AUTS2: variants seen among roughly 807,000 people sequenced by gnomAD.
The protein encoded by AUTS2 is activator of transcription and developmental regulator AUTS2.
In AUTS2, 17 loss-of-function variants were observed where a neutral mutation model predicts 112.4. The observed-to-expected ratio is 0.15, with a 90% CI of 0.10 to 0.23. AUTS2 has a LOEUF of 0.23. AUTS2 is among the 10% of genes least tolerant of loss of function. The pLI, the probability that AUTS2 is intolerant of heterozygous loss-of-function variation, is 1.00. For missense variants in AUTS2, 1,510 were observed against 1,701.6 expected (o/e 0.89, Z 1.98); for synonymous variants, 751 against 702.7 (o/e 1.07, Z -1.09).
intron 2 of AUTS2, among the ~76,000 whole-genome samples, chr7:69,933,193 A>G (rs992674002): frequency 2.6e-5 from 4 of 152,236 alleles, no homozygotes; most frequent in East Asian, 1.9e-4. Flanking sequence ...GTACTGTTAC[A>G]TAAGTAATGG....
chr7:69,914,918 A>G (rs553042353), intron 2 of AUTS2, among the ~76,000 whole-genome samples: 3 of 152,304 alleles, frequency 2.0e-5, no homozygotes, highest in Admixed American at 1.3e-4. Flanking sequence ...AAGTGGCCCA[A>G]TTAATTCATT....
intron 2 of AUTS2, among the ~76,000 whole-genome samples, chr7:69,953,965 A>G (rs1332524435): frequency 6.6e-6 from 1 of 152,038 alleles, no homozygotes. Flanking sequence ...CTATTCCCTT[A>G]TGATTTCCTC....
intron 5 of AUTS2, among the ~76,000 whole-genome samples, chr7:70,547,152 A>G (rs1800822275): frequency 6.6e-6 from 1 of 152,208 alleles, no homozygotes; most frequent in African/African-American, 2.4e-5. Flanking sequence ...ATTTGCAGTT[A>G]GTCCCCATTA....
At chr7:69,633,188 AT>A (rs899168548) in intron 1 of AUTS2, among the ~76,000 whole-genome samples, 54 of 151,496 alleles carry the variant, frequency 3.6e-4, no homozygotes, top group African/African-American at 1.3e-3. Context: ...ATCATGCAAT[AT>A]TTTTTTTTCT....
At chr7:69,719,127 T>C (rs1319959801) in intron 1 of AUTS2, among the ~76,000 whole-genome samples, 1 of 152,224 alleles carries the variant, frequency 6.6e-6, no homozygotes, top group African/African-American at 2.4e-5. Context: ...AGATAGTTCC[T>C]GCTTTAATTT....
chr7:70,384,029 A>AAAAGAAAG (rs554760920), intron 4 of AUTS2, among the ~76,000 whole-genome samples: 6 of 152,136 alleles, frequency 3.9e-5, no homozygotes, highest in Non-Finnish European at 7.4e-5. Context: ...TCCATTAGGG[A>AAAAGAAAG]AAAGAAAGAA....
At chr7:70,328,121 T>C (rs777143054) in intron 4 of AUTS2, among the ~76,000 whole-genome samples, 3 of 152,198 alleles carry the variant, frequency 2.0e-5, no homozygotes, top group Non-Finnish European at 4.4e-5. Flanking sequence ...TACCTTCTAA[T>C]ATATTAGATT....
chr7:70,322,564 A>G (rs184517973), intron 4 of AUTS2, among the ~76,000 whole-genome samples: 33 of 152,318 alleles, frequency 2.2e-4, no homozygotes, highest in Admixed American at 1.9e-3. Context: ...CTGAATGCCT[A>G]CTAGAAGTCA....
Position 69,798,370 on chromosome 7 carries a change from G to A in AUTS2, c.310-100916G>A, listed in dbSNP as rs191650879. ...TGCGATTTGCCTTTCCCTTCAGTGCGTTCGGTAAACGTTGCATTACCCCCT... is the reference window on the plus strand; with the variant it reads ...TGCGATTTGCCTTTCCCTTCAGTGCATTCGGTAAACGTTGCATTACCCCCT... On this transcript the variant is annotated intron_variant, in intron 1 of 18. Transcript: ENST00000342771. 2.8e-3 allele frequency among the ~76,000 whole-genome samples: 421 copies of A among 152,190 alleles called. 4 individuals carry two copies. Among genetic ancestry groups the A allele is most frequent in the African/African-American group, 9.6e-3 (400 of 41,518 alleles).
chr7:70,479,648 A>T (rs1362314564), intron 5 of AUTS2, among the ~76,000 whole-genome samples: 1 of 149,360 alleles, frequency 6.7e-6, no homozygotes, highest in Non-Finnish European at 1.5e-5. Flanking sequence ...AAAAAAAAAA[A>T]TGATGCCAAA....
intron 1 of AUTS2, among the ~76,000 whole-genome samples, chr7:69,752,497 G>A (rs987288540): frequency 6.6e-6 from 1 of 152,180 alleles, no homozygotes; most frequent in African/African-American, 2.4e-5. Flanking sequence ...CCCTGAATGT[G>A]TTTTTGCCAA....
chr7:70,399,942 A>G (rs1481371964), intron 4 of AUTS2, among the ~76,000 whole-genome samples: 12 of 152,186 alleles, frequency 7.9e-5, no homozygotes, highest in Admixed American at 7.9e-4. Context: ...ACTCCAGGGA[A>G]TTACAGAAAT....
At chr7:70,291,960 A>C (rs923524509) in intron 4 of AUTS2, 2 of 152,152 alleles carry the variant, frequency 1.3e-5, no homozygotes, top group African/African-American at 4.8e-5. Flanking sequence ...TGCTTTAGAG[A>C]GATGTCATTA....
chr7:70,260,869 C>A (rs1301503249), intron 4 of AUTS2, among the ~76,000 whole-genome samples: 2 of 151,964 alleles, frequency 1.3e-5, no homozygotes, highest in East Asian at 3.9e-4. Context: ...ACTGCCTCAG[C>A]CTCCTGAGTA....
At chr7:69,637,196 A>AT (rs1384356256) in intron 1 of AUTS2, among the ~76,000 whole-genome samples, 4 of 152,236 alleles carry the variant, frequency 2.6e-5, no homozygotes, top group Non-Finnish European at 4.4e-5. Flanking sequence ...GCCTTGTGAT[A>AT]TATATTCATG....
At chr7:69,999,184 C>T (rs1799076761) in intron 2 of AUTS2, among the ~76,000 whole-genome samples, 1 of 152,030 alleles carries the variant, frequency 6.6e-6, no homozygotes, top group South Asian at 2.1e-4. Flanking sequence ...TAAAAATAAC[C>T]CATTTTTGAA....
chr7:69,794,228 T>C (rs981472716), intron 1 of AUTS2, among the ~76,000 whole-genome samples: 4 of 152,196 alleles, frequency 2.6e-5, no homozygotes, highest in South Asian at 2.1e-4. Flanking sequence ...AGACCTGCTG[T>C]CTCAAGCTGT....
rs895739576 is a variant in AUTS2 at position 69,742,178 on chromosome 7, A to G, written c.309+142216A>G. On this transcript the variant is annotated intron_variant, in intron 1 of 18. Coordinates refer to ENST00000342771, the MANE Select transcript of AUTS2 (RefSeq NM_015570.4). ...TTTAGATTTACCTATGTATTTGACA[A>G]TTTGTTTGTTCATATTTCTTTCTTG... Among the ~76,000 whole-genome samples the G allele has an allele frequency of 4.0e-5, 6 of 148,552 alleles. No individual in the cohort carries two copies. The East Asian group carries it at 5.9e-4, about 15-fold the overall frequency.
At chr7:70,166,078 A>T (rs986655823) in intron 4 of AUTS2, among the ~76,000 whole-genome samples, 2 of 152,096 alleles carry the variant, frequency 1.3e-5, no homozygotes, top group Non-Finnish European at 2.9e-5. Flanking sequence ...TTCTGCCATG[A>T]TTATAAGTTT....
Sources: allele counts gnomAD v4.1 joint callset (sites outside exome capture counted in the v4.1 genomes callset), GRCh38; gene constraint gnomAD v4.1.1; transcripts MANE v1.5; gene names NCBI Gene and HGNC (gene_info 2026-07-23, HGNC 2026-07-21).